The following ESCO1 variants were observed in gnomAD, a reference collection of about 807,000 sequenced individuals.
The protein encoded by ESCO1 is establishment of sister chromatid cohesion N-acetyltransferase 1.
ESCO1 carries 33 observed loss-of-function variants against 83.5 expected under a neutral mutation model. The ratio of observed to expected loss-of-function variants is 0.40; its 90% CI spans 0.30 to 0.53. The LOEUF (loss-of-function observed/expected upper bound fraction) is 0.53. Ranked by LOEUF, ESCO1 falls within the 20% of genes least tolerant of loss-of-function variation. The pLI is 0.63. For synonymous variants in ESCO1, 332 were observed against 324.3 expected, an observed-to-expected ratio of 1.02 and a Z score of -0.25; for missense variants, 855 against 968.0, an observed-to-expected ratio of 0.88 and a Z score of 1.55.
intron 2 of ESCO1, among the ~76,000 whole-genome samples, chr18:21,579,759 G>A (rs556399165): frequency 6.7e-6 from 1 of 148,202 alleles, no homozygotes; most frequent in Admixed American, 6.8e-5. Flanking sequence ...CTGGGCAACA[G>A]AGCGAGATTC....
chr18:21,599,349 AAAT>A (rs756802537), intron 1 of ESCO1, among the ~76,000 whole-genome samples: 11 of 152,344 alleles, frequency 7.2e-5, no homozygotes, highest in East Asian at 1.9e-4. Flanking sequence ...TCTCAAAATA[AAAT>A]AATAACTTAA....
intron 8 of ESCO1, among the ~76,000 whole-genome samples, chr18:21,541,592 C>CAAAA (rs58040604): frequency 3.5e-5 from 3 of 86,794 alleles, no homozygotes; most frequent in African/African-American, 1.1e-4. Flanking sequence ...GACACTGTCC[C>CAAAA]AAAAAAAAAA....
At chr18:21,581,140 G>A (rs1016344645) in intron 2 of ESCO1, among the ~76,000 whole-genome samples, 7 of 151,996 alleles carry the variant, frequency 4.6e-5, no homozygotes, top group African/African-American at 1.7e-4. Context: ...GTGAAACCCG[G>A]TATCTACTAA....
At chr18:21,596,447 C>G (rs2038768544) in intron 1 of ESCO1, among the ~76,000 whole-genome samples, 1 of 152,100 alleles carries the variant, frequency 6.6e-6, no homozygotes, top group African/African-American at 2.4e-5. Context: ...CTTAGAAAAG[C>G]TCCTGATATA....
chr18:21,557,057 T>C (rs532684011), intron 8 of ESCO1, among the ~76,000 whole-genome samples: 1 of 152,318 alleles, frequency 6.6e-6, no homozygotes, highest in South Asian at 2.1e-4. Context: ...ACCAACGTCA[T>C]AGTAATTCAG....
chr18:21,598,442 G>A (rs746720376), intron 1 of ESCO1, among the ~76,000 whole-genome samples: 2 of 152,220 alleles, frequency 1.3e-5, no homozygotes, highest in Non-Finnish European at 2.9e-5. Flanking sequence ...GCTCACGCCT[G>A]TAATCCCAGC....
At chr18:21,558,142 C>A (rs1028129274) in intron 8 of ESCO1, among the ~76,000 whole-genome samples, 3 of 151,880 alleles carry the variant, frequency 2.0e-5, no homozygotes, top group African/African-American at 4.8e-5. Context: ...CATGCCACCA[C>A]GCCCAGCTAA....
intron 10 of ESCO1, among the ~76,000 whole-genome samples, chr18:21,533,364 C>T (rs560032624): frequency 1.3e-5 from 2 of 152,116 alleles, no homozygotes; most frequent in South Asian, 2.1e-4. Flanking sequence ...GGTGCGATCT[C>T]GGCTCACTGC....
intron 1 of ESCO1, among the ~76,000 whole-genome samples, chr18:21,588,784 C>T (rs114208335): frequency 0.024 from 3,648 of 151,940 alleles, 154 homozygotes; most frequent in African/African-American, 0.083. Flanking sequence ...GGCATGGTGG[C>T]GTTCACCTAT....
At chr18:21,540,070 T>C (rs2037885934) in intron 8 of ESCO1, 61 bp from the exon 9 acceptor site, 3 of 1,362,616 alleles carry the variant, frequency 2.2e-6, no homozygotes. Context: ...GTATATTCTA[T>C]TCATTATATC....
intron 5 of ESCO1, among the ~76,000 whole-genome samples, chr18:21,566,715 C>T (rs2038266457): frequency 6.6e-6 from 1 of 151,878 alleles, no homozygotes; most frequent in Non-Finnish European, 1.5e-5. Context: ...ACAAAATAAG[C>T]CGGGTGTGGT....
intron 2 of ESCO1, among the ~76,000 whole-genome samples, chr18:21,582,253 GA>G (rs1185994968): frequency 1.3e-5 from 2 of 150,518 alleles, no homozygotes; most frequent in Admixed American, 1.3e-4. Flanking sequence ...TTTTGAGATG[GA>G]GTTTCGCTCC....
At chr18:21,584,600 C>T (rs932850482) in intron 1 of ESCO1, among the ~76,000 whole-genome samples, 160 bp from the exon 2 acceptor site, 2 of 152,048 alleles carry the variant, frequency 1.3e-5, no homozygotes, top group East Asian at 1.9e-4. Context: ...GATCAAGGAT[C>T]GCTTGAGCCC....
intron 5 of ESCO1, among the ~76,000 whole-genome samples, chr18:21,566,591 G>C (rs927120869): frequency 3.3e-5 from 5 of 152,184 alleles, no homozygotes; most frequent in Admixed American, 1.3e-4. Context: ...CGGGCATGGT[G>C]GCCTCACATC....
At chr18:21,599,752 C>T (rs2038815201) in intron 1 of ESCO1, among the ~76,000 whole-genome samples, 2 of 152,018 alleles carry the variant, frequency 1.3e-5, no homozygotes, top group African/African-American at 4.8e-5. Flanking sequence ...CCCATCGCCC[C>T]GGAAAATAAA....
At chr18:21,576,978 A>G (rs1053772762) in intron 2 of ESCO1, among the ~76,000 whole-genome samples, 1 of 151,738 alleles carries the variant, frequency 6.6e-6, no homozygotes, top group Non-Finnish European at 1.5e-5. Context: ...GGTTGCAGTG[A>G]GCTGAGATTG....
chr18:21,534,296 C>CA (rs2037804292), intron 10 of ESCO1, among the ~76,000 whole-genome samples: 1 of 151,922 alleles, frequency 6.6e-6, no homozygotes, highest in South Asian at 2.1e-4. Context: ...TTCACTCATG[C>CA]AAAAAAATCA....
chr18:21,589,290 C>T (rs957879460), intron 1 of ESCO1, among the ~76,000 whole-genome samples: 5 of 151,978 alleles, frequency 3.3e-5, no homozygotes, highest in South Asian at 4.2e-4. Context: ...AACAATTACC[C>T]TATTACTTCA....
chr18:21,571,999 A>G (rs1214208915), intron 4 of ESCO1, among the ~76,000 whole-genome samples: 3 of 152,198 alleles, frequency 2.0e-5, no homozygotes, highest in African/African-American at 4.8e-5. Flanking sequence ...CCAGACTCCT[A>G]ATGCACTCAC....
Sources: allele counts gnomAD v4.1 joint callset (sites outside exome capture counted in the v4.1 genomes callset), GRCh38; gene constraint gnomAD v4.1.1; transcripts MANE v1.5; gene names NCBI Gene and HGNC (gene_info 2026-07-23, HGNC 2026-07-21).